CTNNA3: variants seen among roughly 807,000 people sequenced by gnomAD.
CTNNA3 encodes catenin alpha 3, also known as catenin alpha-3.
CTNNA3 carries 76 observed loss-of-function variants against 95.7 expected under a neutral mutation model. That is an observed-to-expected ratio of 0.79 (90% CI 0.66 to 0.96). CTNNA3 has a LOEUF of 0.96. CTNNA3 is among the 40% of genes least tolerant of loss of function. The probability of loss-of-function intolerance (pLI) is 0.00; values close to 1 mark genes in which losing one functional copy is unlikely to be tolerated. For synonymous variants in CTNNA3, 431 were observed against 374.4 expected (o/e 1.15, Z -1.74); for missense variants, 1,191 against 1,089.8 (o/e 1.09, Z -1.31).
At chr10:66,509,795 C>G (rs1190952115) in intron 11 of CTNNA3, among the ~76,000 whole-genome samples, 1 of 151,612 alleles carries the variant, frequency 6.6e-6, no homozygotes, top group African/African-American at 2.4e-5. Flanking sequence ...ATATTTTGAA[C>G]TATCTATATT....
intron 4 of CTNNA3, among the ~76,000 whole-genome samples, chr10:67,531,880 A>G (rs1840339804): frequency 6.6e-6 from 1 of 152,102 alleles, no homozygotes; most frequent in African/African-American, 2.4e-5. Context: ...CACTGTTCTC[A>G]TGATAGTGGA....
Position 66,927,971 on chromosome 10 carries a change from T to C in CTNNA3, c.1048-152447A>G, listed in dbSNP as rs536371382. On this transcript the variant is annotated intron_variant, in intron 7 of 17. Coordinates refer to ENST00000433211, the MANE Select transcript of CTNNA3 (RefSeq NM_013266.4). This position sits in a 1 kb window ranked among gnomAD's most constrained non-coding sequence, Gnocchi z 4.7. ...AAAGAGCTGCAAGGAGTAAATGTGA[T>C]CGATGCAGTGAAGAACTACAGCATC... 2 of 1,614,238 alleles carry C rather than the reference T, an allele frequency of 1.2e-6. No individual in the cohort carries two copies. The highest frequency in any genetic ancestry group is 1.7e-6 in the Non-Finnish European group (2 of 1,180,044).
At chr10:66,478,112 A>C (rs1039851993) in intron 11 of CTNNA3, among the ~76,000 whole-genome samples, 6 of 152,128 alleles carry the variant, frequency 3.9e-5, no homozygotes, top group Non-Finnish European at 8.8e-5. Flanking sequence ...TTTTCCAGCA[A>C]TGCTCCAGCA....
intron 11 of CTNNA3, 140 bp downstream of exon 11, chr10:66,520,477 C>A: frequency 1.6e-6 from 1 of 630,924 alleles, no homozygotes; most frequent in Admixed American, 3.6e-5. Context: ...GTATCGAATC[C>A]CTGACCTCAA....
intron 7 of CTNNA3, among the ~76,000 whole-genome samples, chr10:66,942,377 T>A (rs1440191815): frequency 1.3e-5 from 2 of 152,212 alleles, no homozygotes; most frequent in Non-Finnish European, 2.9e-5. Flanking sequence ...TTAATGGACT[T>A]GCTCTATTAA....
At chr10:67,064,433 G>A (rs149544075) in intron 7 of CTNNA3, among the ~76,000 whole-genome samples, 2,050 of 152,118 alleles carry the variant, frequency 0.013, 48 homozygotes, top group African/African-American at 0.045. Context: ...ATAAATTTAT[G>A]TATTTTAGAA....
At chr10:67,731,718 C>A (rs1589584019) in intron 1 of CTNNA3, among the ~76,000 whole-genome samples, 1 of 146,650 alleles carries the variant, frequency 6.8e-6, no homozygotes, top group Admixed American at 7.0e-5. Context: ...AGGAAAATGG[C>A]GTGAACCCGG....
intron 14 of CTNNA3, among the ~76,000 whole-genome samples, chr10:66,077,360 G>A (rs954753066): frequency 2.0e-5 from 3 of 151,598 alleles, no homozygotes; most frequent in Non-Finnish European, 4.4e-5. Context: ...TTTTTGTGGA[G>A]GCATGAGAGA....
At chr10:67,047,773 A>C (rs1416566457) in intron 7 of CTNNA3, among the ~76,000 whole-genome samples, 1 of 152,144 alleles carries the variant, frequency 6.6e-6, no homozygotes, top group Admixed American at 6.5e-5. Context: ...TCTAGCATTA[A>C]CAGGTGGCTT....
intron 7 of CTNNA3, among the ~76,000 whole-genome samples, chr10:66,935,764 C>G (rs1053263409): frequency 1.3e-5 from 2 of 150,702 alleles, no homozygotes; most frequent in Non-Finnish European, 2.9e-5. Flanking sequence ...GTGTTTTATG[C>G]GTTTCGTAAA....
rs1564841148 is a variant in CTNNA3, at chr10:67,726,434, T to TATATAATATTATATATTAC, written c.-2+36999_-2+37000insGTAATATATAATATTATAT. ...ATATATAATATTATATATTATATCA[T>TATATAATATTATATATTAC]ATATAATATATAATATTATATATGA... On this transcript the variant is annotated intron_variant, in intron 1 of 17. Transcript: ENST00000684154. 5.9e-5 allele frequency among the ~76,000 whole-genome samples: 4 copies of TATATAATATTATATATTAC among 67,988 alleles called. 2 individuals are homozygous for TATATAATATTATATATTAC. Among genetic ancestry groups the TATATAATATTATATATTAC allele is most frequent in the African/African-American group, 2.5e-4 (4 of 15,800 alleles). 44.6% of individuals were successfully genotyped at this position (67,988 alleles called of 152,430 possible). A position where few individuals can be genotyped will look rare whatever the true frequency, so the allele number is the denominator to read the frequency against.
chr10:67,627,668 A>G (rs1308373164), intron 2 of CTNNA3, among the ~76,000 whole-genome samples: 1 of 152,166 alleles, frequency 6.6e-6, no homozygotes, highest in Non-Finnish European at 1.5e-5. Flanking sequence ...TCTTGTTCTT[A>G]TATGGCATAG....
At chr10:66,385,507 G>T (rs2092882396) in intron 11 of CTNNA3, among the ~76,000 whole-genome samples, 1 of 152,106 alleles carries the variant, frequency 6.6e-6, no homozygotes, top group African/African-American at 2.4e-5. Context: ...AATTCTACCA[G>T]AGATACAAAG....
At chr10:66,211,758 G>A (rs2088170812) in intron 13 of CTNNA3, among the ~76,000 whole-genome samples, 2 of 152,126 alleles carry the variant, frequency 1.3e-5, no homozygotes, top group South Asian at 4.1e-4. Context: ...TTTACTGTGG[G>A]AGTCCACGAT....
In CTNNA3 at chr10:65,933,072, T is replaced by C. The variant is rs200315391; in HGVS notation, c.2401-12455A>G. On this transcript the variant is annotated intron_variant, in intron 17 of 17. Coordinates refer to ENST00000433211, the MANE Select transcript of CTNNA3 (RefSeq NM_013266.4). The stretch of plus-strand genomic sequence containing the variant: ...TATGTATGCGCTTTCCACTTTAGAT[T>C]CCCTGGGTTTTGTCTTCTCTTTTAA... Among the ~76,000 whole-genome samples the C allele has an allele frequency of 2.6e-5, 4 of 152,262 alleles. No individual in the cohort carries two copies. The East Asian group carries it at 7.7e-4, about 29-fold the overall frequency.
chr10:66,397,819 T>C (rs955964777), intron 11 of CTNNA3, among the ~76,000 whole-genome samples: 4 of 151,918 alleles, frequency 2.6e-5, no homozygotes, highest in Non-Finnish European at 5.9e-5. Flanking sequence ...GTTGTCCCAC[T>C]GGGATCAGAC....
rs58074397 is a variant in CTNNA3, at chr10:67,720,129, C to CTTTTTTTTTTTT, written c.-2+43293_-2+43304dup. ...TCAGAGACTAGGATTGCAACCCCTG[C>CTTTTTTTTTTTT]TTTTTTTTTTTTTTTTTTTTTTTGC... On this transcript the variant is annotated intron_variant, in intron 1 of 17. Coordinates refer to the CTNNA3 transcript ENST00000684154. Among the ~76,000 whole-genome samples, 26 of 6,612 alleles carry CTTTTTTTTTTTT rather than the reference C, an allele frequency of 3.9e-3. 13 individuals carry two copies. Among genetic ancestry groups the CTTTTTTTTTTTT allele is most frequent in the Non-Finnish European group, 6.4e-3 (18 of 2,808 alleles). The allele number at this position is 6,612 out of a possible 152,430, so 4.3% of individuals were successfully genotyped here.
At chr10:67,010,346 T>TTGTTTTAAAATA (rs1453072731) in intron 7 of CTNNA3, among the ~76,000 whole-genome samples, 2 of 152,310 alleles carry the variant, frequency 1.3e-5, no homozygotes, top group South Asian at 4.1e-4. Flanking sequence ...TGTTTTAAAA[T>TTGTTTTAAAATA]TGTTTTAAAA....
intron 11 of CTNNA3, 41 bp downstream of exon 11, chr10:66,520,576 T>C: frequency 1.3e-6 from 2 of 1,552,154 alleles, no homozygotes; most frequent in Admixed American, 3.6e-5. Flanking sequence ...TTTATAAAAT[T>C]GACAAGAGAA....
Sources: allele counts gnomAD v4.1 joint callset (sites outside exome capture counted in the v4.1 genomes callset), GRCh38; gene constraint gnomAD v4.1.1; non-coding constraint Gnocchi (gnomAD v3.1); transcripts MANE v1.5; gene names NCBI Gene and HGNC (gene_info 2026-07-23, HGNC 2026-07-21).